Variants in UCK1 observed in about 807,000 individuals in gnomAD.
UCK1 encodes the protein uridine-cytidine kinase 1.
Under a neutral mutation model 34.0 loss-of-function variants are expected in UCK1, and 20 were observed. The ratio of observed to expected loss-of-function variants is 0.59; its 90% confidence interval spans 0.41 to 0.86. UCK1 has a LOEUF of 0.86. Among genes scored for constraint, UCK1 ranks in the 40% least tolerant of loss-of-function variants. The probability of loss-of-function intolerance (pLI) is 0.00; values close to 1 mark genes in which losing one functional copy is unlikely to be tolerated. For synonymous variants in UCK1, 168 were observed against 155.9 expected (o/e 1.08, Z -0.58); for missense variants, 343 against 383.6 (o/e 0.89, Z 0.88).
intron 5 of UCK1, among the ~76,000 whole-genome samples, chr9:131,527,184 A>G (rs1261116730): frequency 6.7e-6 from 1 of 149,402 alleles, no homozygotes. Context: ...AAAATTAGCC[A>G]GGCGTGGTGG....
In UCK1 at chr9:131,530,583, C is replaced by T. The variant is rs1950796542; in HGVS notation, c.171G>A (p.Arg57=). 1 of 1,614,266 alleles carries T rather than the reference C, an allele frequency of 6.2e-7. No homozygotes were observed. Among genetic ancestry groups the T allele is most frequent in the Admixed American group, 1.7e-5 (1 of 60,038 alleles). Residue 57 remains arginine, a synonymous_variant, in exon 2 of 7, where the codon CGG becomes CGA. Transcript: ENST00000372215. ...LGQNEVEQRQ[R]KVVILSQDRF... is the part of the protein sequence containing the mutation. ...TGTCCTGGCTCAGGATGACCACCTT[C>T]CGCTGCCGCTGTTCCACCTCGTTCT...
intron 5 of UCK1, among the ~76,000 whole-genome samples, chr9:131,528,451 C>A (rs896079993): frequency 6.6e-6 from 1 of 152,178 alleles, no homozygotes; most frequent in African/African-American, 2.4e-5. Flanking sequence ...AGAGCACTGG[C>A]CCAGAGCAGC....
intron 3 of UCK1, 106 bp downstream of exon 3, chr9:131,529,382 A>T: frequency 4.4e-6 from 7 of 1,600,952 alleles, no homozygotes; most frequent in Non-Finnish European, 6.0e-6. Flanking sequence ...TGGGGGACCC[A>T]CAGAAACCAA....
rs980735229 is a variant in UCK1 at position 131,525,307 on chromosome 9, G to C, written c.653-86C>G. 7.7e-6 allele frequency: 12 copies of C among 1,561,572 alleles called. No homozygotes were observed. The African/African-American group carries it at 1.2e-4, about 16-fold the overall frequency. ...CTCCCCGCAGCACTCGGCCAGGAGT[G>C]AGCGCCCAACCTCTGCCCTGAGGCA... On this transcript the variant is annotated intron_variant, in intron 6 of 6. Coordinates refer to ENST00000372215, the MANE Select transcript of UCK1 (RefSeq NM_031432.5).
In UCK1 at chr9:131,525,833, C is replaced by A. The variant is rs1376185571; in HGVS notation, c.652+96G>T. 11 of 1,328,698 alleles carry A rather than the reference C, an allele frequency of 8.3e-6. No individual in the cohort carries two copies. The South Asian group carries it at 1.2e-4, about 14-fold the overall frequency. 82.3% of individuals were successfully genotyped at this position (1,328,698 alleles called of 1,614,324 possible). A position where few individuals can be genotyped will look rare whatever the true frequency, so the allele number is the denominator to read the frequency against. On this transcript the variant is annotated intron_variant, in intron 6 of 6. Coordinates refer to ENST00000372215, the MANE Select transcript of UCK1 (RefSeq NM_031432.5). ...CAGATCAACACTGGCAGGCCGCGTG[C>A]GCAGGGGAGTGCTCAGTAACTGCAC...
At chr9:131,527,936 G>T (rs1950669995) in intron 5 of UCK1, among the ~76,000 whole-genome samples, 1 of 152,188 alleles carries the variant, frequency 6.6e-6, no homozygotes, top group East Asian at 1.9e-4. Flanking sequence ...CATTTTGGGA[G>T]GCCAAAGTGG....
chr9:131,525,283 T>A (rs1393691951), intron 6 of UCK1, 62 bp from the exon 7 acceptor site: 2 of 1,603,758 alleles, frequency 1.2e-6, no homozygotes, highest in Admixed American at 1.7e-5. Context: ...AGACCGCCCC[T>A]CCCCGCAGCA....
rs759639474 is a variant in UCK1 at position 131,529,052 on chromosome 9, G to A, written c.509-14C>T. 1.8e-5 allele frequency: 29 copies of A among 1,613,770 alleles called. No homozygotes were observed. The East Asian group carries it at 4.0e-4, about 22-fold the overall frequency. ...CGTCCCGGAGAACTGCAGCGGCAAG[G>A]GGCAGGCGTGCTTCAGACCTCAGGA... On this transcript the variant is annotated splice_polypyrimidine_tract_variant and intron_variant, in intron 4 of 6. Transcript: ENST00000372215.
At chr9:131,529,414 G>A in intron 3 of UCK1, 74 bp downstream of exon 3, 1 of 1,605,816 alleles carries the variant, frequency 6.2e-7, no homozygotes, top group Non-Finnish European at 8.5e-7. Context: ...CTGCCGCCAG[G>A]CAGGTCTGTG....
intron 6 of UCK1, 107 bp downstream of exon 6, chr9:131,525,822 C>T: frequency 8.3e-7 from 1 of 1,207,994 alleles, no homozygotes; most frequent in Non-Finnish European, 1.2e-6. Context: ...TCAACACTGG[C>T]AGGCCGCGTG....
rs746275098 is a variant in UCK1 at position 131,525,010 on chromosome 9, G to A, written c.*30C>T. ...CAGTCCCTGAACACACATGCCGGGCGGGAGACCTGCCCTGAGGCTCGGCAG... is the reference window on the plus strand; with the variant it reads ...CAGTCCCTGAACACACATGCCGGGCAGGAGACCTGCCCTGAGGCTCGGCAG... On this transcript the variant is annotated 3_prime_UTR_variant, in exon 7 of 7. Transcript: ENST00000372215. 1.8e-5 allele frequency: 29 copies of A among 1,597,366 alleles called. No individual in the cohort carries two copies. Among genetic ancestry groups the A allele is most frequent in the South Asian group, 6.6e-5 (6 of 90,340 alleles).
rs1434285479 is a variant in UCK1, at chr9:131,524,285, T to A, written c.*755A>T. On this transcript the variant is annotated 3_prime_UTR_variant, in exon 7 of 7. Transcript: ENST00000372215. ...AGGCAGGACTGCGTGGACGCTGTTCTCCAGCCGGGACAGACCTGGCCTCCG... is the reference window on the plus strand; with the variant it reads ...AGGCAGGACTGCGTGGACGCTGTTCACCAGCCGGGACAGACCTGGCCTCCG... 2.0e-5 allele frequency: 3 copies of A among 152,376 alleles called. No homozygotes were observed. The highest frequency in any genetic ancestry group is 1.3e-4 in the Admixed American group (2 of 15,290). The allele number at this position is 152,376 out of a possible 1,614,324, so 9.4% of individuals were successfully genotyped here.
chr9:131,526,613 G>T, intron 5 of UCK1: 1 of 891,298 alleles, frequency 1.1e-6, no homozygotes, highest in Non-Finnish European at 1.6e-6. Flanking sequence ...AGGGGAAGCA[G>T]CCTGGAGAAC....
chr9:131,529,739 G>GC (rs1487922151), intron 2 of UCK1, among the ~76,000 whole-genome samples, 155 bp from the exon 3 acceptor site: 1 of 151,870 alleles, frequency 6.6e-6, no homozygotes, highest in African/African-American at 2.4e-5. Flanking sequence ...ATGTTTGGTA[G>GC]CAACAGTGCC....
At chr9:131,525,344 G>T in intron 6 of UCK1, 123 bp from the exon 7 acceptor site, 1 of 1,142,084 alleles carries the variant, frequency 8.8e-7, no homozygotes, top group Non-Finnish European at 1.3e-6. Flanking sequence ...AGCCTGCGGC[G>T]AGGGGCATCG....
rs764221483 is a variant in UCK1, at chr9:131,530,546, C to A, written c.208G>T (p.Val70Phe). Residue 70 changes from valine (V) to phenylalanine (F), a missense_variant, in exon 2 of 7, where the codon GTC becomes TTC. Physicochemically the swap from Val to Phe is conservative, Grantham distance 50. Transcript: ENST00000372215. ...VILSQDRFYKVLTAEQKAKAL... is the reference protein window; with the variant it reads ...VILSQDRFYKFLTAEQKAKAL... Reference sequence around the variant, plus strand: ...TTGGCCTTCTGCTCTGCCGTCAGGACCTTGTAGAACCTGTCCTGGCTCAGG... The same window carrying A: ...TTGGCCTTCTGCTCTGCCGTCAGGAACTTGTAGAACCTGTCCTGGCTCAGG... 1 of 1,614,248 alleles carries A rather than the reference C, an allele frequency of 6.2e-7. No homozygotes were observed. Among genetic ancestry groups the A allele is most frequent in the Admixed American group, 1.7e-5 (1 of 60,036 alleles).
chr9:131,527,692 C>T (rs1950660782), intron 5 of UCK1, among the ~76,000 whole-genome samples: 1 of 151,824 alleles, frequency 6.6e-6, no homozygotes, highest in African/African-American at 2.4e-5. Context: ...GCCTGGGCAA[C>T]ACAGGGAGAC....
In UCK1 at chr9:131,524,976, C is replaced by T. The variant is rs995666070; in HGVS notation, c.*64G>A. On this transcript the variant is annotated 3_prime_UTR_variant, in exon 7 of 7. Transcript: ENST00000372215. ...GGAAGCAGTGGGTGTGGGTGGGCGT[C>T]CCCAGGCTCAGTCCCTGAACACACA... 1.3e-6 allele frequency: 2 copies of T among 1,557,230 alleles called. No individual in the cohort carries two copies. Among genetic ancestry groups the T allele is most frequent in the African/African-American group, 1.4e-5 (1 of 73,490 alleles).
chr9:131,531,209 C>T lies in UCK1; in HGVS notation c.-35G>A. ...CGCTCCCGCGCATCGGGTCCCCGCG[C>T]CCGCCCCTTCCCCAGGCCCGGCGCG... On this transcript the variant is annotated 5_prime_UTR_variant, in exon 1 of 7. Coordinates refer to ENST00000372215, the MANE Select transcript of UCK1 (RefSeq NM_031432.5). 7.4e-7 allele frequency: 1 copy of T among 1,357,990 alleles called. No individual in the cohort carries two copies. The highest frequency in any genetic ancestry group is 1.5e-5 in the African/African-American group (1 of 65,456). 84.1% of individuals were successfully genotyped at this position (1,357,990 alleles called of 1,614,324 possible).
Sources: gnomAD v4.1 joint callset for allele counts (sites outside exome capture counted in the v4.1 genomes callset) on GRCh38, gnomAD v4.1.1 for gene constraint, MANE v1.5 for transcripts, NCBI Gene and HGNC (gene_info 2026-07-23, HGNC 2026-07-21) for gene names.